CCDC171: variants seen among roughly 807,000 people sequenced by gnomAD.
CCDC171 encodes the protein coiled-coil domain containing 171, also known as coiled-coil domain-containing protein 171.
A neutral mutation model predicts 168.2 loss-of-function variants in CCDC171; 177 were observed. The observed-to-expected ratio is 1.05, with a 90% confidence interval of 0.93 to 1.19. The LOEUF (loss-of-function observed/expected upper bound fraction) is 1.19. CCDC171 is among the 50% of genes most tolerant of loss of function. CCDC171 has a pLI of 0.00. For missense variants in CCDC171, 1,991 were observed against 1,539.0 expected (o/e 1.29, Z -4.91); for synonymous variants, 687 against 540.8 (o/e 1.27, Z -3.75).
chr9:15,924,460 C>G (rs1339256287), intron 25 of CCDC171, among the ~76,000 whole-genome samples: 1 of 149,372 alleles, frequency 6.7e-6, no homozygotes, highest in African/African-American at 2.5e-5. Context: ...AAAAAGTCAG[C>G]TATTATTCTG....
At chr9:16,006,025 A>C (rs1302931370) in intron 3 of CCDC171, among the ~76,000 whole-genome samples, 1 of 151,828 alleles carries the variant, frequency 6.6e-6, no homozygotes, top group Non-Finnish European at 1.5e-5. Context: ...ACGCCTGGCT[A>C]ATTTTTTTGT....
chr9:15,579,934 C>T (rs1340891381), intron 4 of CCDC171, among the ~76,000 whole-genome samples: 1 of 152,096 alleles, frequency 6.6e-6, no homozygotes, highest in Non-Finnish European at 1.5e-5. Flanking sequence ...TTCTTGTACA[C>T]AGCAGGTTTT....
chr9:15,567,714 G>T (rs1398961404), intron 2 of CCDC171, among the ~76,000 whole-genome samples: 7 of 151,788 alleles, frequency 4.6e-5, no homozygotes, highest in Admixed American at 4.6e-4. Context: ...GAGTACAGTG[G>T]CATGATCTTA....
intron 3 of CCDC171, among the ~76,000 whole-genome samples, chr9:15,987,958 A>G (rs149170900): frequency 8.5e-5 from 13 of 152,372 alleles, no homozygotes; most frequent in Admixed American, 3.9e-4. Flanking sequence ...GGGTGTCACT[A>G]TCTCAGCCAC....
intron 1 of CCDC171, among the ~76,000 whole-genome samples, chr9:15,562,280 C>G (rs527294111): frequency 6.6e-6 from 1 of 152,230 alleles, no homozygotes; most frequent in African/African-American, 2.4e-5. Context: ...AGGTGTGACC[C>G]ACCGCGCCTG....
downstream of CCDC171, among the ~76,000 whole-genome samples, chr9:15,977,233 C>T (rs1831649904): frequency 6.6e-6 from 1 of 152,152 alleles, no homozygotes; most frequent in African/African-American, 2.4e-5. Context: ...TGAACCTCCC[C>T]CTGCATAATC....
chr9:15,792,070 C>G (rs914595129), intron 21 of CCDC171, among the ~76,000 whole-genome samples: 1 of 152,048 alleles, frequency 6.6e-6, no homozygotes, highest in African/African-American at 2.4e-5. Context: ...AGCTAAAAAC[C>G]TTGAAAAAAG....
intron 6 of CCDC171, among the ~76,000 whole-genome samples, chr9:15,618,715 G>A (rs1010307060): frequency 6.6e-6 from 1 of 152,122 alleles, no homozygotes; most frequent in Non-Finnish European, 1.5e-5. Context: ...TACTCAGGGC[G>A]GGTAGCACAG....
rs556347245 is a variant in CCDC171, at chr9:16,004,434, C to T, written n.369-16155C>T. Among the ~76,000 whole-genome samples the T allele has an allele frequency of 3.5e-4, 53 of 152,328 alleles. 1 individual carries two copies. The South Asian group carries it at 0.01, about 30-fold the overall frequency. ...TAACAAACTTACAGCTATTGCTTGT[C>T]TCTTCTAGAACAAAGATGACGAGCT... On this transcript the variant is annotated intron_variant and non_coding_transcript_variant, in intron 3 of 9. Coordinates refer to the CCDC171 transcript ENST00000486641.
Position 15,744,767 on chromosome 9 carries a change from T to C in CCDC171, c.2544T>C (p.His848=). The C allele has an allele frequency of 1.9e-6, 3 of 1,606,396 alleles. No individual in the cohort carries two copies. Among genetic ancestry groups the C allele is most frequent in the Non-Finnish European group, 2.6e-6 (3 of 1,176,106 alleles). Residue 848 remains histidine, a synonymous_variant, in exon 17 of 26, where the codon CAT becomes CAC. Transcript: ENST00000380701. ...GCACAGGAGAGCCCCAAGACAAGCA[T>C]AAATTTCCAAGTAAGATAATTTCTG... ...LVCTGEPQDK[H]KFPKHQKEQL... is the part of the protein sequence containing the mutation.
chr9:15,731,503 A>T (rs1288309477), intron 16 of CCDC171, among the ~76,000 whole-genome samples: 1 of 152,150 alleles, frequency 6.6e-6, no homozygotes. Flanking sequence ...TGTTCCGAGC[A>T]TAATGTCATT....
chr9:15,744,776 A>G lies in CCDC171; in HGVS notation c.2553A>G (p.Pro851=), dbSNP rs761096890. The G allele has an allele frequency of 1.2e-6, 2 of 1,604,996 alleles. No homozygotes were observed. The highest frequency in any genetic ancestry group is 1.3e-5 in the African/African-American group (1 of 74,476). ...AGCCCCAAGACAAGCATAAATTTCC[A>G]AGTAAGATAATTTCTGCTTTTAAAA... ...TGEPQDKHKF[P]KHQKEQLRCL... is the part of the protein sequence containing the mutation. Residue 851 remains proline (P), a splice_region_variant and synonymous_variant, in exon 17 of 26, where the codon CCA becomes CCG. Coordinates refer to ENST00000380701, the MANE Select transcript of CCDC171 (RefSeq NM_173550.4).
At chr9:15,979,051 G>C (rs1481386254) in intron 3 of CCDC171, among the ~76,000 whole-genome samples, 1 of 151,992 alleles carries the variant, frequency 6.6e-6, no homozygotes, top group Non-Finnish European at 1.5e-5. Flanking sequence ...TTGTTCATAC[G>C]GTACCGTGTA....
intron 1 of CCDC171, among the ~76,000 whole-genome samples, chr9:15,554,246 T>C (rs2038595319): frequency 6.6e-6 from 1 of 152,156 alleles, no homozygotes; most frequent in Non-Finnish European, 1.5e-5. Context: ...GGTCTCGATC[T>C]CCTGACATCG....
chr9:15,588,573 A>C (rs2041748544), intron 4 of CCDC171: 1 of 330,048 alleles, frequency 3.0e-6, no homozygotes, highest in African/African-American at 2.2e-5. Flanking sequence ...ATGCCAAAAC[A>C]GACCAGGCAC....
the CCDC171 span, among the ~76,000 whole-genome samples, chr9:16,071,564 A>G: frequency 6.6e-6 from 1 of 152,214 alleles, no homozygotes; most frequent in South Asian, 2.1e-4. Context: ...CATGGAGAAT[A>G]CATTCCCACA....
At chr9:15,578,807 A>G (rs764598512) in intron 3 of CCDC171, 42 bp from the exon 4 acceptor site, 16 of 1,540,262 alleles carry the variant, frequency 1.0e-5, no homozygotes, top group African/African-American at 4.1e-5. Flanking sequence ...GTATGATCTC[A>G]TAATCTTTGG....
chr9:15,664,420 TG>T (rs2048563997), intron 8 of CCDC171, among the ~76,000 whole-genome samples: 1 of 152,042 alleles, frequency 6.6e-6, no homozygotes, highest in Non-Finnish European at 1.5e-5. Context: ...AGCTGATTTT[TG>T]TTTTTTTTGT....
chr9:15,564,195 G>C (rs371402757), intron 2 of CCDC171, 66 bp downstream of exon 2: 5 of 1,213,326 alleles, frequency 4.1e-6, no homozygotes, highest in Non-Finnish European at 6.0e-6. Context: ...GGAGAAGTCA[G>C]TGGTTGTAGA....
Sources: gnomAD v4.1 joint callset for allele counts (sites outside exome capture counted in the v4.1 genomes callset) on GRCh38, gnomAD v4.1.1 for gene constraint, MANE v1.5 for transcripts, NCBI Gene and HGNC (gene_info 2026-07-23, HGNC 2026-07-21) for gene names.